DOP1A: variants seen among roughly 807,000 people sequenced by gnomAD.
The protein encoded by DOP1A is protein DOP1A.
Under a neutral mutation model 267.6 loss-of-function variants are expected in DOP1A, and 90 were observed. That is an observed-to-expected ratio of 0.34 (90% confidence interval 0.28 to 0.40). The LOEUF is 0.40. DOP1A is among the 10% of genes least tolerant of loss of function. The pLI is 1.00. For missense variants in DOP1A, 2,437 were observed against 2,900.4 expected, an observed-to-expected ratio of 0.84 and a Z score of 3.67; for synonymous variants, 932 against 999.1, an observed-to-expected ratio of 0.93 and a Z score of 1.27.
chr6:83,160,590 C>G (rs1783999775), intron 37 of DOP1A, among the ~76,000 whole-genome samples: 1 of 151,936 alleles, frequency 6.6e-6, no homozygotes, highest in Non-Finnish European at 1.5e-5. Flanking sequence ...CTGGGCAAGC[C>G]TAGAATGAAG....
chr6:83,123,209 A>G (rs1036073594), intron 12 of DOP1A, among the ~76,000 whole-genome samples: 1 of 151,900 alleles, frequency 6.6e-6, no homozygotes, highest in African/African-American at 2.4e-5. Flanking sequence ...TTCATACACC[A>G]GAGTAGATTA....
chr6:83,169,854 C>T, downstream of DOP1A: 2 of 456,332 alleles, frequency 4.4e-6, no homozygotes, highest in Non-Finnish European at 8.8e-6. Flanking sequence ...GTCAGGGAAA[C>T]AGGCACAGAG....
At chr6:83,159,770 C>T (rs369585211) in intron 36 of DOP1A, 26 bp from the exon 37 acceptor site, 499 of 1,613,800 alleles carry the variant, frequency 3.1e-4, no homozygotes, top group Non-Finnish European at 4.1e-4. Context: ...GGTCCAGCTG[C>T]TGACAGCACT....
At position 83,142,061 on chromosome 6, in the gene DOP1A, A is replaced by G. The variant is rs765652461; in HGVS notation, c.5541+15A>G. On this transcript the variant is annotated intron_variant, in intron 24 of 38. Coordinates refer to ENST00000349129, the MANE Select transcript of DOP1A (RefSeq NM_015018.4). ...CCAGGACCAAGGTATGTATTTAGACATTTGGCACTTTTTGTTTTTGCATTT... is the reference window on the plus strand; with the variant it reads ...CCAGGACCAAGGTATGTATTTAGACGTTTGGCACTTTTTGTTTTTGCATTT... The G allele has an allele frequency of 7.5e-6, 12 of 1,606,714 alleles. No individual in the cohort carries two copies. The highest frequency in any genetic ancestry group is 3.5e-5 in the Admixed American group (2 of 57,726).
At chr6:83,089,746 G>A (rs1582892274) in intron 1 of DOP1A, among the ~76,000 whole-genome samples, 1 of 152,230 alleles carries the variant, frequency 6.6e-6, no homozygotes, top group South Asian at 2.1e-4. Context: ...GTTATTGAGA[G>A]GAGGGAGTTA....
chr6:83,121,863 A>G, intron 10 of DOP1A, 67 bp from the exon 11 acceptor site: 3 of 1,486,240 alleles, frequency 2.0e-6, no homozygotes, highest in Non-Finnish European at 1.8e-6. Context: ...CATTGGGCCA[A>G]TTTTCAGATA....
At chr6:83,164,627 A>G (rs932152243) in intron 38 of DOP1A, 22 of 1,552,736 alleles carry the variant, frequency 1.4e-5, no homozygotes, top group Non-Finnish European at 1.8e-5. Context: ...TCACTGGAAC[A>G]AAGGCTGTGA....
At chr6:83,108,326 C>T (rs970985999) in intron 4 of DOP1A, among the ~76,000 whole-genome samples, 10 of 152,258 alleles carry the variant, frequency 6.6e-5, no homozygotes, top group African/African-American at 2.2e-4. Flanking sequence ...ACCACAGGCA[C>T]ATGCCACTGT....
Position 83,168,443 on chromosome 6 carries a change from C to T in DOP1A, c.*276C>T, listed in dbSNP as rs551523280. 4.5e-6 allele frequency: 5 copies of T among 1,098,924 alleles called. No individual in the cohort carries two copies. In the East Asian group the frequency reaches 1.7e-4, roughly 37 times the overall value. The allele number at this position is 1,098,924 out of a possible 1,614,324, so 68.1% of individuals were successfully genotyped here. A position where few individuals can be genotyped will look rare whatever the true frequency, so the allele number is the denominator to read the frequency against. ...ATTGTCCTGAGTTGTCTTAAACCTG[C>T]AAAATATACACTACCCATTTTTTTT... is the stretch of plus-strand genomic sequence containing the variant. On this transcript the variant is annotated 3_prime_UTR_variant, in exon 39 of 39. Coordinates refer to ENST00000349129, the MANE Select transcript of DOP1A (RefSeq NM_015018.4).
At chr6:83,163,354 A>C (rs1784687080) in intron 38 of DOP1A, among the ~76,000 whole-genome samples, 1 of 152,204 alleles carries the variant, frequency 6.6e-6, no homozygotes, top group Admixed American at 6.5e-5. Context: ...AAAAAAATAC[A>C]GTACAAAAGG....
At chr6:83,072,179 A>G (rs866480931) in intron 1 of DOP1A, among the ~76,000 whole-genome samples, 1 of 152,212 alleles carries the variant, frequency 6.6e-6, no homozygotes, top group Middle Eastern at 3.4e-3. Context: ...TGTAAAATAC[A>G]TTTTGTATTT....
chr6:83,115,219 G>T (rs1282666385), intron 7 of DOP1A, among the ~76,000 whole-genome samples: 4 of 152,080 alleles, frequency 2.6e-5, no homozygotes, highest in African/African-American at 9.7e-5. Flanking sequence ...GAAATAGATG[G>T]TGATATCAAT....
chr6:83,076,005 A>G (rs1041798511), intron 1 of DOP1A, among the ~76,000 whole-genome samples: 10 of 152,228 alleles, frequency 6.6e-5, no homozygotes, highest in Non-Finnish European at 1.0e-4. Flanking sequence ...TTAATCTTAA[A>G]ACTTTCTGTG....
chr6:83,142,083 A>C (rs924922274), intron 24 of DOP1A, 37 bp downstream of exon 24: 1 of 1,605,986 alleles, frequency 6.2e-7, no homozygotes, highest in African/African-American at 1.3e-5. Flanking sequence ...TTGTTTTTGC[A>C]TTTGGTGAGT....
chr6:83,094,175 T>C (rs930847485), intron 1 of DOP1A, among the ~76,000 whole-genome samples: 2 of 152,186 alleles, frequency 1.3e-5, no homozygotes, highest in African/African-American at 2.4e-5. Flanking sequence ...TACTATGTGG[T>C]CTTATGTCAA....
intron 13 of DOP1A, 122 bp downstream of exon 13, chr6:83,124,941 G>A: frequency 1.1e-6 from 1 of 942,580 alleles, no homozygotes; most frequent in Non-Finnish European, 1.6e-6. Context: ...TTTCCTCTTT[G>A]GTAAGCTTTT....
intron 17 of DOP1A, among the ~76,000 whole-genome samples, chr6:83,131,975 A>G (rs530187589): frequency 1.5e-4 from 23 of 152,292 alleles, no homozygotes; most frequent in Middle Eastern, 3.4e-3. Context: ...TTAAAGGACT[A>G]TCATAAAAGG....
intron 1 of DOP1A, among the ~76,000 whole-genome samples, chr6:83,085,196 C>T (rs541080895): frequency 7.3e-4 from 111 of 152,254 alleles, no homozygotes; most frequent in African/African-American, 2.5e-3. Context: ...AATGGTTTAA[C>T]TATATTGTCG....
intron 35 of DOP1A, 70 bp downstream of exon 35, chr6:83,157,388 A>T: frequency 6.7e-7 from 1 of 1,500,572 alleles, no homozygotes; most frequent in South Asian, 1.2e-5. Context: ...CCATGTGCTT[A>T]CTAGATATTA....
Sources: gnomAD v4.1 joint callset for allele counts (sites outside exome capture counted in the v4.1 genomes callset) on GRCh38, gnomAD v4.1.1 for gene constraint, MANE v1.5 for transcripts, NCBI Gene and HGNC (gene_info 2026-07-23, HGNC 2026-07-21) for gene names.